Variants in RASGRF1 observed in about 807,000 individuals in gnomAD.
RASGRF1 encodes ras-specific guanine nucleotide-releasing factor 1.
In RASGRF1, 40 loss-of-function variants were observed where a neutral mutation model predicts 138.7. That is an observed-to-expected ratio of 0.29 (90% CI 0.22 to 0.38). The LOEUF is 0.38. RASGRF1 is among the 10% of genes least tolerant of loss of function. RASGRF1 has a pLI of 1.00. For synonymous variants in RASGRF1, 614 were observed against 663.2 expected, an observed-to-expected ratio of 0.93 and a Z score of 1.14; for missense variants, 1,108 against 1,650.4, an observed-to-expected ratio of 0.67 and a Z score of 5.69.
Position 79,032,070 on chromosome 15 carries a change from C to T in RASGRF1, c.1152+53G>A. ...CTGTGCCCCCACCGCCATGGTCCAT[C>T]CCCCACACCTGCCTCCCTGACTCTA... On this transcript the variant is annotated intron_variant, in intron 7 of 26. Coordinates refer to ENST00000558480, the MANE Select transcript of RASGRF1 (RefSeq NM_001145648.3). The surrounding 1 kb of genome is among the most constrained non-coding windows in gnomAD (Gnocchi z 4.5). 1 of 1,568,136 alleles carries T rather than the reference C, an allele frequency of 6.4e-7. No homozygotes were observed.
intron 19 of RASGRF1, 96 bp from the exon 20 acceptor site, chr15:78,995,896 C>A: frequency 8.4e-7 from 1 of 1,184,976 alleles, no homozygotes; most frequent in South Asian, 1.2e-5. Flanking sequence ...CTCTTACGCC[C>A]CTCTGTCCTC....
chr15:78,983,871 T>C (rs1346187497), intron 23 of RASGRF1, among the ~76,000 whole-genome samples: 4 of 152,214 alleles, frequency 2.6e-5, no homozygotes, highest in Non-Finnish European at 4.4e-5. Flanking sequence ...GGCATCTCTG[T>C]GTGCCAAGAA....
chr15:79,070,932 T>C (rs2057746932), intron 1 of RASGRF1, among the ~76,000 whole-genome samples: 1 of 152,134 alleles, frequency 6.6e-6, no homozygotes, highest in Non-Finnish European at 1.5e-5. Flanking sequence ...GAATTGCCCA[T>C]CTCGTGGGTG....
At chr15:78,963,111 A>T (rs2055579413) in intron 26 of RASGRF1, among the ~76,000 whole-genome samples, 1 of 151,422 alleles carries the variant, frequency 6.6e-6, no homozygotes, top group African/African-American at 2.4e-5. Context: ...CTCTCTCCCC[A>T]CCCCACTCCT....
chr15:78,967,904 C>T (rs1306515410), intron 26 of RASGRF1, among the ~76,000 whole-genome samples: 4 of 152,078 alleles, frequency 2.6e-5, no homozygotes, highest in Non-Finnish European at 5.9e-5. Context: ...CATCATTATA[C>T]CTAGGACATT....
intron 13 of RASGRF1, chr15:79,012,496 T>C: frequency 6.2e-7 from 1 of 1,604,356 alleles, no homozygotes; most frequent in South Asian, 1.1e-5. Context: ...CACCTGCTCA[T>C]TTCTGCTTCC....
intron 5 of RASGRF1, among the ~76,000 whole-genome samples, chr15:79,040,805 A>G (rs1428451436): frequency 6.6e-6 from 1 of 152,250 alleles, no homozygotes; most frequent in African/African-American, 2.4e-5. Context: ...AGTTCATTGC[A>G]ACTCTTTAAG....
intron 9 of RASGRF1, among the ~76,000 whole-genome samples, chr15:79,025,925 TTA>T (rs2057041905): frequency 1.4e-5 from 1 of 72,828 alleles, no homozygotes; most frequent in African/African-American, 3.8e-5. Context: ...CTACTAAGAT[TTA>T]AAAAAAAAAA....
Position 79,015,345 on chromosome 15 carries a change from G to GTGACCT in RASGRF1, c.1802_1807dup (p.Lys601_Val602dup). On this transcript the variant is annotated inframe_insertion, in exon 13 of 27. Transcript: ENST00000558480. The stretch of plus-strand genomic sequence containing the variant: ...CACTTACTTGATCATCTGCGGCACA[G>GTGACCT]TGACCTTGGAATTTTCTTCAAATGC... The GTGACCT allele has an allele frequency of 6.2e-7, 1 of 1,613,758 alleles. No individual in the cohort carries two copies. The highest frequency in any genetic ancestry group is 8.5e-7 in the Non-Finnish European group (1 of 1,179,628).
intron 26 of RASGRF1, among the ~76,000 whole-genome samples, chr15:78,968,360 C>T (rs1447113948): frequency 1.3e-5 from 2 of 151,872 alleles, no homozygotes; most frequent in African/African-American, 2.4e-5. Context: ...CAGCCTTGAA[C>T]TCCTGGGCTC....
intron 1 of RASGRF1, among the ~76,000 whole-genome samples, chr15:79,086,165 T>G (rs1259216058): frequency 6.6e-6 from 1 of 152,208 alleles, no homozygotes; most frequent in Non-Finnish European, 1.5e-5. Flanking sequence ...GCATCTTACA[T>G]TCTGCGTTGT....
chr15:79,061,894 C>A (rs921204489), intron 2 of RASGRF1, among the ~76,000 whole-genome samples: 6 of 152,212 alleles, frequency 3.9e-5, no homozygotes, highest in Non-Finnish European at 7.3e-5. Flanking sequence ...TTATGGACAT[C>A]TTTTCATTTC....
At chr15:79,084,853 G>T (rs994930549) in intron 1 of RASGRF1, among the ~76,000 whole-genome samples, 9 of 152,296 alleles carry the variant, frequency 5.9e-5, no homozygotes, top group African/African-American at 1.9e-4. Context: ...ATGGACTTCA[G>T]GTTTGATCCT....
chr15:79,018,920 A>G (rs867593830), intron 11 of RASGRF1, among the ~76,000 whole-genome samples: 2 of 152,124 alleles, frequency 1.3e-5, no homozygotes, highest in African/African-American at 4.8e-5. Context: ...AAGATGAAAG[A>G]AGGCTGCACT....
intron 8 of RASGRF1, among the ~76,000 whole-genome samples, chr15:79,029,861 A>G (rs115135771): frequency 6.8e-4 from 103 of 152,246 alleles, no homozygotes; most frequent in African/African-American, 2.4e-3. Context: ...GGGATAAGGG[A>G]TCAGGGTCTT....
rs117748530 is a variant in RASGRF1, at chr15:79,023,849, C to T, written c.1542+1465G>A. On this transcript the variant is annotated intron_variant, in intron 10 of 26. Transcript: ENST00000558480. ...CTTTGGGGTGGAGATGAAAGAAAAG[C>T]TCCAAGTGATGCCTTGGCCCTCAGC... Among the ~76,000 whole-genome samples the T allele has an allele frequency of 5.9e-5, 9 of 152,194 alleles. No individual in the cohort carries two copies. The East Asian group carries it at 1.7e-3, about 29-fold the overall frequency.
At chr15:79,065,686 G>A (rs1381131903) in intron 1 of RASGRF1, among the ~76,000 whole-genome samples, 1 of 151,966 alleles carries the variant, frequency 6.6e-6, no homozygotes, top group East Asian at 1.9e-4. Context: ...CAGGGGGTGA[G>A]GTACAAAGAG....
At chr15:79,021,280 G>A (rs1431504814) in intron 10 of RASGRF1, among the ~76,000 whole-genome samples, 2 of 152,238 alleles carry the variant, frequency 1.3e-5, no homozygotes, top group East Asian at 3.8e-4. Flanking sequence ...AAACAATAAT[G>A]AATGATAATG....
chr15:79,049,844 CAG>C (rs913520757), intron 3 of RASGRF1, among the ~76,000 whole-genome samples: 3 of 152,152 alleles, frequency 2.0e-5, no homozygotes, highest in African/African-American at 7.2e-5. Flanking sequence ...GCTGCCCAAC[CAG>C]AGTGACCTTG....
Sources: gnomAD v4.1 joint callset for allele counts (sites outside exome capture counted in the v4.1 genomes callset) on GRCh38, gnomAD v4.1.1 for gene constraint, Gnocchi (gnomAD v3.1) non-coding constraint, MANE v1.5 for transcripts, NCBI Gene and HGNC (gene_info 2026-07-23, HGNC 2026-07-21) for gene names.